The following ERP44 variants were observed in gnomAD, a reference collection of about 807,000 sequenced individuals.
ERP44 encodes the protein endoplasmic reticulum protein 44.
Under a neutral mutation model 53.4 loss-of-function variants are expected in ERP44, and 25 were observed. The observed-to-expected ratio is 0.47, with a 90% confidence interval of 0.34 to 0.65. The LOEUF (loss-of-function observed/expected upper bound fraction) is 0.65, where lower values mean the gene tolerates loss of function less well. ERP44 is among the 30% of genes least tolerant of loss of function. The pLI, the probability that ERP44 is intolerant of heterozygous loss-of-function variation, is 0.01. For synonymous variants in ERP44, 145 were observed against 161.2 expected (o/e 0.90, Z 0.76); for missense variants, 338 against 493.2 (o/e 0.69, Z 2.98).
intron 1 of ERP44, among the ~76,000 whole-genome samples, chr9:100,088,704 G>A (rs1826515423): frequency 6.6e-6 from 1 of 152,166 alleles, no homozygotes. Flanking sequence ...CATAATACCA[G>A]TATTATTCCT....
At chr9:100,069,403 T>C (rs1826274842) in intron 1 of ERP44, among the ~76,000 whole-genome samples, 1 of 152,156 alleles carries the variant, frequency 6.6e-6, no homozygotes, top group Non-Finnish European at 1.5e-5. Context: ...GCAAATCCAT[T>C]TCTTAGAATA....
At chr9:100,057,773 T>A (rs759316673) in intron 3 of ERP44, 47 bp downstream of exon 3, 3 of 1,453,044 alleles carry the variant, frequency 2.1e-6, no homozygotes, top group Non-Finnish European at 2.9e-6. Flanking sequence ...AAAATTAACC[T>A]TTAGCAAGTA....
chr9:99,997,900 G>A (rs1373892073), intron 10 of ERP44, among the ~76,000 whole-genome samples: 1 of 151,796 alleles, frequency 6.6e-6, no homozygotes, highest in Non-Finnish European at 1.5e-5. Flanking sequence ...AAGCACAAGC[G>A]ACTGACAGCT....
At chr9:99,992,104 ACCATTCCTT>A (rs1449179417) in intron 10 of ERP44, among the ~76,000 whole-genome samples, 1 of 152,232 alleles carries the variant, frequency 6.6e-6, no homozygotes, top group Non-Finnish European at 1.5e-5. Context: ...AGCAGCTGGT[ACCATTCCTT>A]CTGAAACTAT....
At chr9:99,995,481 C>T (rs962349297) in intron 10 of ERP44, among the ~76,000 whole-genome samples, 12 of 152,032 alleles carry the variant, frequency 7.9e-5, no homozygotes, top group Admixed American at 4.6e-4. Context: ...TTATAGATGC[C>T]CTTTGAAAGA....
At chr9:100,022,447 C>T (rs576313835) in intron 4 of ERP44, among the ~76,000 whole-genome samples, 1 of 152,238 alleles carries the variant, frequency 6.6e-6, no homozygotes, top group African/African-American at 2.4e-5. Context: ...GACTTACTGG[C>T]CATGTGAACT....
chr9:100,038,498 TAAATAAA>T (rs1825867578), intron 4 of ERP44, among the ~76,000 whole-genome samples: 1 of 151,180 alleles, frequency 6.6e-6, no homozygotes, highest in South Asian at 2.1e-4. Context: ...ATACAACTGA[TAAATAAA>T]AAATAAAAAG....
intron 4 of ERP44, among the ~76,000 whole-genome samples, chr9:100,050,029 C>CT (rs529364328): frequency 1.0e-4 from 14 of 133,622 alleles, no homozygotes; most frequent in African/African-American, 3.4e-4. Context: ...AATAAACATA[C>CT]TAAGTCCAGA....
At chr9:100,020,074 G>T (rs1252659028) in intron 6 of ERP44, among the ~76,000 whole-genome samples, 2 of 152,196 alleles carry the variant, frequency 1.3e-5, no homozygotes, top group African/African-American at 4.8e-5. Flanking sequence ...CTTGAAAAGG[G>T]TCAGGTTGAA....
intron 4 of ERP44, among the ~76,000 whole-genome samples, chr9:100,023,415 T>A (rs1372936136): frequency 1.1e-3 from 163 of 143,318 alleles, no homozygotes; most frequent in African/African-American, 3.8e-3. Context: ...AAAAAAAAAA[T>A]AAGAAACTTT....
chr9:100,058,346 G>A (rs1826107737), intron 2 of ERP44, among the ~76,000 whole-genome samples: 1 of 152,178 alleles, frequency 6.6e-6, no homozygotes, highest in Non-Finnish European at 1.5e-5. Context: ...AAAGTGCTGG[G>A]ATTACAGGCA....
At chr9:100,033,566 T>G (rs1256766221) in intron 4 of ERP44, among the ~76,000 whole-genome samples, 1 of 152,230 alleles carries the variant, frequency 6.6e-6, no homozygotes. Context: ...TAATTATTCT[T>G]GCTGCACTTT....
chr9:99,999,328 G>A (rs551156981), intron 10 of ERP44, among the ~76,000 whole-genome samples: 1 of 152,250 alleles, frequency 6.6e-6, no homozygotes, highest in South Asian at 2.1e-4. Flanking sequence ...ACTGATTTAA[G>A]TTCATTGTCG....
intron 1 of ERP44, among the ~76,000 whole-genome samples, chr9:100,097,106 C>A (rs1204965226): frequency 1.3e-5 from 2 of 152,070 alleles, no homozygotes; most frequent in African/African-American, 4.8e-5. Flanking sequence ...TATGCCTTTA[C>A]ATTTGCTTAG....
intron 1 of ERP44, among the ~76,000 whole-genome samples, chr9:100,083,815 G>A (rs980913863): frequency 1.3e-5 from 2 of 152,182 alleles, no homozygotes; most frequent in South Asian, 2.1e-4. Context: ...ATTGAATAGT[G>A]GTTATGAATT....
Position 99,981,878 on chromosome 9 carries a change from CCT to C in ERP44, c.*732_*733del, listed in dbSNP as rs1266614138. The C allele has an allele frequency of 1.3e-5, 2 of 152,164 alleles. No individual in the cohort carries two copies. The highest frequency in any genetic ancestry group is 2.9e-5 in the Non-Finnish European group (2 of 68,024). 9.4% of individuals were successfully genotyped at this position (152,164 alleles called of 1,614,324 possible). Reference sequence around the variant, plus strand: ...TGATTGGTAGCCTGTTCCACTGTCACCTCCCTGTCCCAGATTTAGGTATAATT... The same window carrying C: ...TGATTGGTAGCCTGTTCCACTGTCACCCCTGTCCCAGATTTAGGTATAATT... On this transcript the variant is annotated 3_prime_UTR_variant, in exon 12 of 12. Coordinates refer to ENST00000262455, the MANE Select transcript of ERP44 (RefSeq NM_015051.3).
Position 100,006,644 on chromosome 9 carries a change from G to A in ERP44, c.878C>T (p.Thr293Ile). The A allele has an allele frequency of 6.4e-7, 1 of 1,568,650 alleles. No individual in the cohort carries two copies. The highest frequency in any genetic ancestry group is 8.6e-7 in the Non-Finnish European group (1 of 1,162,928). Reference protein sequence around the residue: ...VARQLISEKGTINFLHADCDK... With the variant: ...VARQLISEKGIINFLHADCDK... ...ACAATCGGCATGTAAAAAGTTTATT[G>A]TACCTTTAAGAAAAAAGAATTTTGA... The change falls in exon 10 of 12, where the codon ACA becomes ATA. Residue 293 changes from threonine to isoleucine, a missense_variant. By Grantham distance (89) the Thr-to-Ile change is moderately conservative (BLOSUM62 -1). This residue lies in a region of ERP44 where 113 missense variants were observed against 172.6 expected (regional missense o/e 0.65). Transcript: ENST00000262455.
chr9:100,003,608 A>C (rs1210119800), intron 10 of ERP44, among the ~76,000 whole-genome samples: 1 of 151,102 alleles, frequency 6.6e-6, no homozygotes, highest in Non-Finnish European at 1.5e-5. Context: ...GTTAAGCCTG[A>C]AACTTGGGTC....
At chr9:100,084,215 C>T (rs542227026) in intron 1 of ERP44, among the ~76,000 whole-genome samples, 1 of 152,276 alleles carries the variant, frequency 6.6e-6, no homozygotes, top group South Asian at 2.1e-4. Flanking sequence ...TCCAGTATGT[C>T]AGACAACACG....
Sources: gnomAD v4.1 joint callset for allele counts (sites outside exome capture counted in the v4.1 genomes callset) on GRCh38, gnomAD v4.1.1 for gene constraint, gnomAD v4.1.1 regional missense constraint, MANE v1.5 for transcripts, NCBI Gene and HGNC (gene_info 2026-07-23, HGNC 2026-07-21) for gene names.